The following EYS variants were observed in gnomAD, a reference collection of about 807,000 sequenced individuals.
The protein encoded by EYS is protein eyes shut homolog.
EYS carries 250 observed loss-of-function variants against 282.1 expected under a neutral mutation model. The ratio of observed to expected loss-of-function variants is 0.89; its 90% confidence interval spans 0.80 to 0.98. The LOEUF (loss-of-function observed/expected upper bound fraction) is 0.98, where lower values mean the gene tolerates loss of function less well. EYS is among the 50% of genes least tolerant of loss of function. EYS has a pLI of 0.00. For missense variants in EYS, 4,016 were observed against 3,709.0 expected, an observed-to-expected ratio of 1.08 and a Z score of -2.15; for synonymous variants, 1,355 against 1,282.9, an observed-to-expected ratio of 1.06 and a Z score of -1.20.
chr6:65,265,178 C>G (rs1438484783), intron 12 of EYS, among the ~76,000 whole-genome samples: 1 of 151,788 alleles, frequency 6.6e-6, no homozygotes, highest in Non-Finnish European at 1.5e-5. Flanking sequence ...TCTTTTGTAC[C>G]CAAACTTCAG....
intron 22 of EYS, among the ~76,000 whole-genome samples, chr6:64,701,528 C>G (rs58610197): frequency 0.021 from 3,183 of 152,130 alleles, 117 homozygotes; most frequent in African/African-American, 0.073. Flanking sequence ...TATTCACATG[C>G]CTTTGGTATT....
At chr6:64,540,425 A>C (rs937106069) in intron 26 of EYS, among the ~76,000 whole-genome samples, 26 of 148,620 alleles carry the variant, frequency 1.7e-4, no homozygotes, top group Non-Finnish European at 2.7e-4. Flanking sequence ...TTGTAGCCCC[A>C]CCCTCACATG....
intron 12 of EYS, among the ~76,000 whole-genome samples, chr6:65,280,868 A>G (rs1419615223): frequency 1.4e-5 from 2 of 144,312 alleles, no homozygotes; most frequent in East Asian, 4.0e-4. Context: ...AAAAAAAAAT[A>G]TATATATATA....
rs531431899 is a variant in EYS, at chr6:65,468,297, C to T, written c.862+22297G>A. Among the ~76,000 whole-genome samples the T allele has an allele frequency of 1.1e-3, 173 of 152,172 alleles. 1 individual carries two copies. The highest frequency in any genetic ancestry group is 3.6e-3 in the African/African-American group (149 of 41,534). On this transcript the variant is annotated intron_variant, in intron 5 of 42. Coordinates refer to ENST00000503581, the MANE Select transcript of EYS (RefSeq NM_001142800.2). ...TGTTTTCTTTTTTCAAAGCCTTCTT[C>T]TCATGCTTTTTGGGGCAAGAATAGG...
At chr6:64,010,706 T>C (rs1293222751) in intron 33 of EYS, among the ~76,000 whole-genome samples, 6 of 152,208 alleles carry the variant, frequency 3.9e-5, no homozygotes, top group African/African-American at 1.4e-4. Flanking sequence ...GTTCTTCTGC[T>C]GTGCCCAACC....
chr6:64,842,171 A>G (rs1765581873), intron 19 of EYS, among the ~76,000 whole-genome samples: 1 of 151,954 alleles, frequency 6.6e-6, no homozygotes, highest in South Asian at 2.1e-4. Flanking sequence ...AACTACACGA[A>G]GATAAATTTG....
intron 35 of EYS, among the ~76,000 whole-genome samples, chr6:63,934,319 A>G (rs930058785): frequency 1.3e-3 from 194 of 152,288 alleles, no homozygotes; most frequent in Admixed American, 4.6e-3. Context: ...AACTAGTTCA[A>G]CCATTGTGGA....
intron 35 of EYS, among the ~76,000 whole-genome samples, chr6:63,934,512 A>G (rs868217636): frequency 6.6e-6 from 1 of 152,154 alleles, no homozygotes. Flanking sequence ...ACGTCCAACA[A>G]TGATAGTCTG....
chr6:63,928,988 G>A (rs987534090), intron 35 of EYS, among the ~76,000 whole-genome samples: 16 of 152,174 alleles, frequency 1.1e-4, no homozygotes, highest in Non-Finnish European at 2.1e-4. Flanking sequence ...AAATCCACAA[G>A]AGCATCAGTA....
intron 12 of EYS, among the ~76,000 whole-genome samples, chr6:65,244,117 C>T (rs1460821813): frequency 1.3e-5 from 2 of 152,132 alleles, no homozygotes; most frequent in East Asian, 1.9e-4. Context: ...AGGCCTCTCC[C>T]TAAGGGGCTT....
intron 31 of EYS, among the ~76,000 whole-genome samples, chr6:64,134,569 C>A (rs1774097247): frequency 6.6e-6 from 1 of 151,798 alleles, no homozygotes; most frequent in Non-Finnish European, 1.5e-5. Flanking sequence ...TAAATTCGAA[C>A]CTGACAGGGA....
chr6:64,827,070 C>T (rs760470853), intron 19 of EYS, among the ~76,000 whole-genome samples: 10 of 151,776 alleles, frequency 6.6e-5, no homozygotes, highest in Non-Finnish European at 1.0e-4. Flanking sequence ...AAATCTGAAT[C>T]TCTGAGAAAT....
At chr6:64,828,861 G>T (rs1390206278) in intron 19 of EYS, among the ~76,000 whole-genome samples, 2 of 151,988 alleles carry the variant, frequency 1.3e-5, no homozygotes, top group African/African-American at 4.8e-5. Context: ...AAAGTCTGAG[G>T]TTGGTTCATG....
chr6:64,444,722 A>C (rs1775063740), intron 26 of EYS, among the ~76,000 whole-genome samples: 2 of 152,196 alleles, frequency 1.3e-5, no homozygotes, highest in South Asian at 4.1e-4. Flanking sequence ...CCAATGTTGA[A>C]GTTGGAGCCA....
intron 31 of EYS, among the ~76,000 whole-genome samples, chr6:64,171,629 C>CAG (rs137929963): frequency 0.027 from 4,126 of 151,424 alleles, 61 homozygotes; most frequent in African/African-American, 0.043. Context: ...ATTGATATAA[C>CAG]AGTCTTCCAC....
rs1765868570 is a variant in EYS, at chr6:63,957,274, C to T, written c.7055+27109G>A. On this transcript the variant is annotated intron_variant, in intron 35 of 42. Coordinates refer to ENST00000503581, the MANE Select transcript of EYS (RefSeq NM_001142800.2). ...TGTAAAAAAATGTGGCTTCACTGAA[C>T]AGACCTCAAAAAGGACACTTGTTTA... Among the ~76,000 whole-genome samples the T allele has an allele frequency of 1.4e-5, 2 of 140,354 alleles. 1 individual carries two copies. Among genetic ancestry groups the T allele is most frequent in the Non-Finnish European group, 3.2e-5 (2 of 61,800 alleles). The allele number at this position is 140,354 out of a possible 152,430, so 92.1% of individuals were successfully genotyped here. A position where few individuals can be genotyped will look rare whatever the true frequency, so the allele number is the denominator to read the frequency against.
At chr6:65,058,991 T>C (rs1381737968) in intron 12 of EYS, among the ~76,000 whole-genome samples, 3 of 152,004 alleles carry the variant, frequency 2.0e-5, no homozygotes, top group Admixed American at 6.6e-5. Flanking sequence ...ATTAATCTAA[T>C]AGGAATCAAC....
At chr6:64,527,118 T>C (rs1777946766) in intron 26 of EYS, among the ~76,000 whole-genome samples, 1 of 151,754 alleles carries the variant, frequency 6.6e-6, no homozygotes, top group Non-Finnish European at 1.5e-5. Flanking sequence ...AATATCTAGA[T>C]TAAAAGGAAA....
intron 2 of EYS, among the ~76,000 whole-genome samples, chr6:65,499,827 C>T (rs148718646): frequency 6.6e-6 from 1 of 151,884 alleles, no homozygotes; most frequent in Non-Finnish European, 1.5e-5. Context: ...CAGATTTATT[C>T]ATATTTTTTA....
Sources: gnomAD v4.1 joint callset for allele counts (sites outside exome capture counted in the v4.1 genomes callset) on GRCh38, gnomAD v4.1.1 for gene constraint, MANE v1.5 for transcripts, NCBI Gene and HGNC (gene_info 2026-07-23, HGNC 2026-07-21) for gene names.